BMAL2: variants seen among roughly 807,000 people sequenced by gnomAD.
BMAL2 encodes basic helix-loop-helix ARNT like 2.
chr12:27,353,996 G>T, the BMAL2 span, among the ~76,000 whole-genome samples: 4 of 152,204 alleles, frequency 2.6e-5, no homozygotes, highest in African/African-American at 9.6e-5. Context: ...AGCCACTGTG[G>T]AAAGCAGTTT....
chr12:27,335,006 A>G, the BMAL2 span, among the ~76,000 whole-genome samples: 1 of 152,244 alleles, frequency 6.6e-6, no homozygotes, highest in Admixed American at 6.5e-5. Flanking sequence ...TGGTGGTGCT[A>G]ATGAGCAAGT....
At chr12:27,376,354 A>T in the BMAL2 span, 2 of 1,613,734 alleles carry the variant, frequency 1.2e-6, no homozygotes, top group Admixed American at 1.7e-5. Context: ...AGAGTGGAAG[A>T]TGGTGAACAC....
At chr12:27,351,404 A>T in the BMAL2 span, among the ~76,000 whole-genome samples, 1 of 152,168 alleles carries the variant, frequency 6.6e-6, no homozygotes, top group Non-Finnish European at 1.5e-5. Context: ...TGATGCTTTG[A>T]TATCTGGGGC....
chr12:27,408,632 A>G, the BMAL2 span, among the ~76,000 whole-genome samples: 3 of 152,244 alleles, frequency 2.0e-5, no homozygotes, highest in Admixed American at 6.5e-5. Context: ...CCCATAGCCA[A>G]TATCATACTG....
chr12:27,396,060 T>C, the BMAL2 span, among the ~76,000 whole-genome samples: 2 of 152,216 alleles, frequency 1.3e-5, no homozygotes, highest in African/African-American at 4.8e-5. Flanking sequence ...GTATTCGTAG[T>C]TAGAGCCTTT....
chr12:27,385,574 T>C, the BMAL2 span: 3 of 1,538,296 alleles, frequency 2.0e-6, no homozygotes, highest in Admixed American at 1.7e-5. Flanking sequence ...ACTAAAGATA[T>C]ATTTGTCTAA....
the BMAL2 span, chr12:27,420,400 T>C: frequency 6.2e-7 from 1 of 1,614,100 alleles, no homozygotes; most frequent in Non-Finnish European, 8.5e-7. Flanking sequence ...TCATAGGTGA[T>C]GGTGCACAGT....
chr12:27,349,973 A>T, the BMAL2 span, among the ~76,000 whole-genome samples: 1 of 152,292 alleles, frequency 6.6e-6, no homozygotes, highest in African/African-American at 2.4e-5. Flanking sequence ...TCATTGTGGC[A>T]GGGGCTTGCA....
chr12:27,356,718 T>C, the BMAL2 span, among the ~76,000 whole-genome samples: 1 of 152,202 alleles, frequency 6.6e-6, no homozygotes, highest in Non-Finnish European at 1.5e-5. Context: ...TTCCATAGTC[T>C]TTCATCCTCC....
chr12:27,418,549 G>C, the BMAL2 span, among the ~76,000 whole-genome samples: 1 of 151,932 alleles, frequency 6.6e-6, no homozygotes, highest in Non-Finnish European at 1.5e-5. Context: ...AGGCTGCAGT[G>C]AGCTGTAATT....
At chr12:27,334,377 GAT>G in the BMAL2 span, among the ~76,000 whole-genome samples, 1 of 152,182 alleles carries the variant, frequency 6.6e-6, no homozygotes, top group East Asian at 1.9e-4. Context: ...GAGTAAATGA[GAT>G]ATGAGATATG....
the BMAL2 span, among the ~76,000 whole-genome samples, chr12:27,375,708 T>G: frequency 6.6e-6 from 1 of 152,352 alleles, no homozygotes; most frequent in East Asian, 1.9e-4. Context: ...AGATTACATA[T>G]TTTTAAAAGC....
chr12:27,421,194 A>G, the BMAL2 span: 21 of 152,168 alleles, frequency 1.4e-4, no homozygotes, highest in African/African-American at 5.1e-4. Flanking sequence ...AGCTTTCCTT[A>G]CAGAAAAGGA....
the BMAL2 span, chr12:27,333,038 C>A: frequency 1.7e-6 from 2 of 1,194,194 alleles, no homozygotes; most frequent in East Asian, 7.0e-5. Flanking sequence ...TGCTGCCAGC[C>A]GCGGGGCTGC....
At chr12:27,361,293 G>C in the BMAL2 span, among the ~76,000 whole-genome samples, 26 of 152,190 alleles carry the variant, frequency 1.7e-4, no homozygotes, top group Admixed American at 3.3e-4. Context: ...ATACTAAATA[G>C]TAGACCTTTG....
chr12:27,377,911 T>TG, the BMAL2 span, among the ~76,000 whole-genome samples: 2 of 152,136 alleles, frequency 1.3e-5, no homozygotes, highest in Non-Finnish European at 2.9e-5. Flanking sequence ...GCAGGGGGTG[T>TG]GGTAGCTCCC....
chr12:27,420,265 A>G, the BMAL2 span: 61 of 1,181,626 alleles, frequency 5.2e-5, no homozygotes, highest in Non-Finnish European at 7.1e-5. Flanking sequence ...TTGCCTTCAA[A>G]AATACATTTT....
At chr12:27,361,041 T>G in the BMAL2 span, among the ~76,000 whole-genome samples, 1,517 of 152,238 alleles carry the variant, frequency 1.0e-2, 17 homozygotes, top group Non-Finnish European at 0.016. Context: ...AAGTAGGTAA[T>G]GGAACAAAAG....
the BMAL2 span, among the ~76,000 whole-genome samples, chr12:27,351,227 A>C: frequency 2.6e-5 from 4 of 152,108 alleles, no homozygotes; most frequent in Admixed American, 6.6e-5. Context: ...GACTCAAGCA[A>C]TCCTCCTGCC....
Sources: allele counts gnomAD v4.1 joint callset (sites outside exome capture counted in the v4.1 genomes callset), GRCh38; gene constraint gnomAD v4.1.1; transcripts MANE v1.5; gene names NCBI Gene and HGNC (gene_info 2026-07-23, HGNC 2026-07-21).